Variants in ESRRG observed in about 807,000 individuals in gnomAD.
ESRRG encodes estrogen related receptor gamma, also known as estrogen-related receptor gamma.
ESRRG carries 13 observed loss-of-function variants against 44.0 expected under a neutral mutation model. The ratio of observed to expected loss-of-function variants is 0.30; its 90% confidence interval spans 0.19 to 0.47. The LOEUF (loss-of-function observed/expected upper bound fraction) is 0.47. Among genes scored for constraint, ESRRG ranks in the 20% least tolerant of loss-of-function variants. The pLI, the probability that ESRRG is intolerant of heterozygous loss-of-function variation, is 1.00. For synonymous variants in ESRRG, 215 were observed against 214.6 expected (o/e 1.00, Z -0.02); for missense variants, 395 against 580.6 (o/e 0.68, Z 3.29).
rs2076235511 is a variant in ESRRG, at chr1:216,677,092, G to A, written c.456C>T (p.Phe152=). 6.2e-7 allele frequency: 1 copy of A among 1,613,800 alleles called. No individual in the cohort carries two copies. Among genetic ancestry groups the A allele is most frequent in the African/African-American group, 1.3e-5 (1 of 75,042 alleles). The change falls in exon 2 of 7, where the codon TTC becomes TTT. Residue 152 remains phenylalanine (F), a synonymous_variant. Coordinates refer to ENST00000408911, the MANE Select transcript of ESRRG (RefSeq NM_001438.4). Reference sequence around the variant, plus strand: ...GACACTAACCTTGAATTGTCCTCTTGAAGAATGCCTTGCAGGCTTCACATG... The same window carrying A: ...GACACTAACCTTGAATTGTCCTCTTAAAGAATGCCTTGCAGGCTTCACATG... ...VASCEACKAF[F]KRTIQGNIEY...
intron 1 of ESRRG, among the ~76,000 whole-genome samples, chr1:217,051,619 G>T (rs978456517): frequency 6.6e-6 from 1 of 152,166 alleles, no homozygotes; most frequent in African/African-American, 2.4e-5. Context: ...GTATTAAGAG[G>T]TGAGAGAGAA....
At chr1:216,876,854 C>T (rs1480099078) in intron 2 of ESRRG, among the ~76,000 whole-genome samples, 1 of 152,074 alleles carries the variant, frequency 6.6e-6, no homozygotes, top group Non-Finnish European at 1.5e-5. Flanking sequence ...AAATACTTTA[C>T]ACCTTTTAAT....
intron 1 of ESRRG, among the ~76,000 whole-genome samples, chr1:217,129,581 A>G (rs1047557566): frequency 6.6e-6 from 1 of 152,240 alleles, no homozygotes; most frequent in Non-Finnish European, 1.5e-5. Context: ...AAAAGGTGAT[A>G]TATCCATAAT....
intron 2 of ESRRG, among the ~76,000 whole-genome samples, chr1:216,808,797 A>G (rs1018116392): frequency 1.1e-4 from 17 of 152,150 alleles, no homozygotes; most frequent in Non-Finnish European, 1.9e-4. Flanking sequence ...TTTACTTGTA[A>G]TATTATTTGC....
intron 1 of ESRRG, among the ~76,000 whole-genome samples, chr1:217,097,826 C>A (rs185065959): frequency 1.2e-4 from 15 of 123,460 alleles, no homozygotes; most frequent in African/African-American, 1.8e-4. Flanking sequence ...GTAAGTATTT[C>A]TTTTGGCCAG....
chr1:217,013,279 G>A (rs570475622), intron 1 of ESRRG, among the ~76,000 whole-genome samples: 1 of 152,308 alleles, frequency 6.6e-6, no homozygotes, highest in Admixed American at 6.5e-5. Flanking sequence ...TGCAGCTAAG[G>A]TGACCATTAG....
intron 1 of ESRRG, among the ~76,000 whole-genome samples, chr1:216,709,347 A>G (rs1399121899): frequency 1.3e-5 from 2 of 148,976 alleles, no homozygotes; most frequent in Admixed American, 6.8e-5. Context: ...GTGTGTGTAT[A>G]TATATATATA....
chr1:217,009,702 C>CTTTTTTTT (rs11325118), intron 1 of ESRRG, among the ~76,000 whole-genome samples: 14 of 106,382 alleles, frequency 1.3e-4, no homozygotes, highest in East Asian at 2.6e-4. Context: ...TTTTCTTTTT[C>CTTTTTTTT]TTTTTTTTTT....
intron 1 of ESRRG, among the ~76,000 whole-genome samples, chr1:217,043,688 C>CATTGTTGTTTAT (rs1194767701): frequency 6.6e-6 from 1 of 151,876 alleles, no homozygotes; most frequent in African/African-American, 2.4e-5. Flanking sequence ...CTCTTAAAAA[C>CATTGTTGTTTAT]ATATATAAAC....
chr1:217,124,218 A>T (rs1193832630), intron 1 of ESRRG, among the ~76,000 whole-genome samples: 2 of 152,204 alleles, frequency 1.3e-5, no homozygotes, highest in African/African-American at 4.8e-5. Context: ...AACGGAAGAC[A>T]CCAACACTTA....
intron 2 of ESRRG, chr1:216,863,891 C>T (rs891617578): frequency 2.7e-4 from 41 of 152,282 alleles, no homozygotes; most frequent in African/African-American, 7.5e-4. Context: ...CTACTGCATC[C>T]GCCATCTTGC....
At chr1:216,619,261 T>G (rs984508324) in intron 3 of ESRRG, among the ~76,000 whole-genome samples, 1 of 152,208 alleles carries the variant, frequency 6.6e-6, no homozygotes, top group African/African-American at 2.4e-5. Flanking sequence ...ATGATTCCTA[T>G]AATCAGAAAT....
At chr1:216,775,457 C>CTGTGTTTCT (rs985793826) in intron 2 of ESRRG, among the ~76,000 whole-genome samples, 3 of 149,426 alleles carry the variant, frequency 2.0e-5, no homozygotes, top group Non-Finnish European at 4.5e-5. Context: ...ATTCCTTTTC[C>CTGTGTTTCT]TGTGTTTCTC....
At chr1:216,757,689 A>G (rs964985189) in intron 2 of ESRRG, among the ~76,000 whole-genome samples, 5 of 152,008 alleles carry the variant, frequency 3.3e-5, no homozygotes, top group Admixed American at 1.3e-4. Flanking sequence ...CAACCTTTCT[A>G]TCTCAGGTAT....
intron 1 of ESRRG, among the ~76,000 whole-genome samples, chr1:217,079,490 G>T (rs569584216): frequency 1.3e-5 from 2 of 152,260 alleles, no homozygotes; most frequent in East Asian, 3.9e-4. Context: ...CCACACTATT[G>T]TTTAGGAATA....
chr1:216,963,293 C>T (rs1428898567), intron 1 of ESRRG, among the ~76,000 whole-genome samples: 1 of 152,078 alleles, frequency 6.6e-6, no homozygotes, highest in Non-Finnish European at 1.5e-5. Flanking sequence ...ACTAGGGAAG[C>T]GACAGAGTTG....
chr1:216,662,343 A>G (rs899031351), intron 2 of ESRRG, among the ~76,000 whole-genome samples: 4 of 152,082 alleles, frequency 2.6e-5, no homozygotes, highest in Admixed American at 2.0e-4. Flanking sequence ...AAACCAACCA[A>G]AGAGTATGCC....
chr1:216,637,391 C>G (rs145307821), intron 3 of ESRRG, among the ~76,000 whole-genome samples: 1 of 152,294 alleles, frequency 6.6e-6, no homozygotes, highest in African/African-American at 2.4e-5. Context: ...AGAATGCCTA[C>G]AGCAAGAAAT....
At chr1:217,098,971 T>A (rs913863597) in intron 1 of ESRRG, among the ~76,000 whole-genome samples, 5 of 152,210 alleles carry the variant, frequency 3.3e-5, no homozygotes, top group African/African-American at 1.2e-4. Context: ...CCTCACCTAC[T>A]TTCCTGCTTT....
Sources: allele counts gnomAD v4.1 joint callset (sites outside exome capture counted in the v4.1 genomes callset), GRCh38; gene constraint gnomAD v4.1.1; transcripts MANE v1.5; gene names NCBI Gene and HGNC (gene_info 2026-07-23, HGNC 2026-07-21).